FAT3: variants seen among roughly 807,000 people sequenced by gnomAD.
FAT3 encodes protocadherin Fat 3.
Under a neutral mutation model 310.2 loss-of-function variants are expected in FAT3, and 95 were observed. The observed-to-expected ratio is 0.31, with a 90% CI of 0.26 to 0.36. FAT3 has a LOEUF of 0.36. Among genes scored for constraint, FAT3 ranks in the 10% least tolerant of loss-of-function variants. The probability of loss-of-function intolerance (pLI) is 1.00; values close to 1 mark genes in which losing one functional copy is unlikely to be tolerated. For missense variants in FAT3, 5,408 were observed against 5,715.6 expected (o/e 0.95, Z 1.74); for synonymous variants, 2,314 against 2,192.9 (o/e 1.06, Z -1.54).
At chr11:92,386,220 C>T (rs1328659399) in intron 2 of FAT3, among the ~76,000 whole-genome samples, 1 of 152,202 alleles carries the variant, frequency 6.6e-6, no homozygotes, top group Non-Finnish European at 1.5e-5. Context: ...GGGTCAACAA[C>T]CAAGAGGCAG....
intron 10 of FAT3, among the ~76,000 whole-genome samples, 156 bp from the exon 11 acceptor site, chr11:92,804,997 C>A (rs1196282084): frequency 6.6e-6 from 1 of 152,144 alleles, no homozygotes; most frequent in African/African-American, 2.4e-5. Flanking sequence ...TGCTTTGTTG[C>A]CCAAGAATCA....
At chr11:92,620,763 T>C (rs1346217536) in intron 3 of FAT3, among the ~76,000 whole-genome samples, 1 of 152,218 alleles carries the variant, frequency 6.6e-6, no homozygotes, top group African/African-American at 2.4e-5. Context: ...TAATTCAGAC[T>C]GCTGTAACGG....
chr11:92,719,154 A>G (rs1944780412), intron 4 of FAT3, among the ~76,000 whole-genome samples: 1 of 152,204 alleles, frequency 6.6e-6, no homozygotes, highest in Non-Finnish European at 1.5e-5. Context: ...GCACATGGCT[A>G]TCTATTTTAG....
chr11:92,557,098 T>C (rs1955047324), intron 3 of FAT3, among the ~76,000 whole-genome samples: 1 of 152,054 alleles, frequency 6.6e-6, no homozygotes, highest in Admixed American at 6.6e-5. Flanking sequence ...TATTGCATTC[T>C]TCCCTGTTTC....
At chr11:92,860,068 A>C (rs570977262) in intron 21 of FAT3, among the ~76,000 whole-genome samples, 16 of 152,278 alleles carry the variant, frequency 1.1e-4, no homozygotes, top group African/African-American at 3.4e-4. Context: ...TAGGCATGGT[A>C]GTCGGCACCT....
At chr11:92,556,210 A>C (rs1413168823) in intron 3 of FAT3, among the ~76,000 whole-genome samples, 4 of 152,176 alleles carry the variant, frequency 2.6e-5, no homozygotes, top group Non-Finnish European at 5.9e-5. Flanking sequence ...CATAACCTGG[A>C]GGAAGAGGAT....
At chr11:92,824,581 AAATT>A (rs1414058157) in intron 13 of FAT3, among the ~76,000 whole-genome samples, 1 of 152,170 alleles carries the variant, frequency 6.6e-6, no homozygotes, top group African/African-American at 2.4e-5. Context: ...CCTGCAAAAT[AAATT>A]GAGTATTTGA....
chr11:92,840,829 G>T (rs1242397121), intron 18 of FAT3, 70 bp downstream of exon 18: 8 of 1,389,368 alleles, frequency 5.8e-6, no homozygotes, highest in Non-Finnish European at 9.6e-7. Context: ...CCCTTTGGTG[G>T]ATTTTTTTCT....
intron 9 of FAT3, among the ~76,000 whole-genome samples, chr11:92,795,754 G>T (rs2136171015): frequency 6.6e-6 from 1 of 152,076 alleles, no homozygotes; most frequent in South Asian, 2.1e-4. Context: ...CTACAAACAT[G>T]AAAATTAGCC....
At chr11:92,864,557 C>G (rs1005377574) in intron 21 of FAT3, among the ~76,000 whole-genome samples, 4 of 152,268 alleles carry the variant, frequency 2.6e-5, no homozygotes, top group African/African-American at 9.6e-5. Context: ...GTGGCCCACA[C>G]CTGTAATCCC....
chr11:92,334,487 A>G (rs1591124336), intron 1 of FAT3, among the ~76,000 whole-genome samples: 1 of 152,278 alleles, frequency 6.6e-6, no homozygotes, highest in Admixed American at 6.5e-5. Context: ...ATGACTTGAC[A>G]GGTTCCACTT....
chr11:92,818,441 T>C (rs1454383959), intron 13 of FAT3, among the ~76,000 whole-genome samples: 1 of 152,206 alleles, frequency 6.6e-6, no homozygotes, highest in Admixed American at 6.5e-5. Context: ...TCTTCCATAG[T>C]GGAGGCATGC....
intron 24 of FAT3, 74 bp from the exon 25 acceptor site, chr11:92,886,926 A>C: frequency 8.6e-7 from 1 of 1,162,020 alleles, no homozygotes; most frequent in Non-Finnish European, 1.3e-6. Flanking sequence ...ACTAGCTGAG[A>C]GGGGTGGGTG....
chr11:92,385,394 A>G (rs888437896), intron 2 of FAT3, among the ~76,000 whole-genome samples: 1 of 151,938 alleles, frequency 6.6e-6, no homozygotes, highest in Admixed American at 6.6e-5. Flanking sequence ...TTGAGACAGA[A>G]TCTTGCTCTG....
At chr11:92,681,999 T>C (rs1201569570) in intron 3 of FAT3, among the ~76,000 whole-genome samples, 1 of 152,198 alleles carries the variant, frequency 6.6e-6, no homozygotes, top group African/African-American at 2.4e-5. Flanking sequence ...CATATTGTGG[T>C]TACATGGTGG....
intron 22 of FAT3, among the ~76,000 whole-genome samples, chr11:92,878,408 A>T (rs1949584136): frequency 6.6e-6 from 1 of 152,052 alleles, no homozygotes; most frequent in South Asian, 2.1e-4. Context: ...ATACCCAAAT[A>T]CCTTCACTGC....
At chr11:92,472,160 C>T (rs1050688338) in intron 2 of FAT3, among the ~76,000 whole-genome samples, 1 of 151,942 alleles carries the variant, frequency 6.6e-6, no homozygotes, top group African/African-American at 2.4e-5. Flanking sequence ...AGTTTTAACT[C>T]TTAAGCTAAA....
chr11:92,771,308 TTGGACG>T (rs1946449794), intron 6 of FAT3, among the ~76,000 whole-genome samples: 1 of 152,130 alleles, frequency 6.6e-6, no homozygotes, highest in South Asian at 2.1e-4. Flanking sequence ...CCTGGACGAT[TTGGACG>T]TGGTTTCCTA....
intron 22 of FAT3, among the ~76,000 whole-genome samples, chr11:92,875,121 G>T (rs1254538166): frequency 2.7e-5 from 4 of 150,566 alleles, no homozygotes; most frequent in Non-Finnish European, 5.9e-5. Context: ...TCATAAACAA[G>T]CCTTTTCACA....
Sources: allele counts gnomAD v4.1 joint callset (sites outside exome capture counted in the v4.1 genomes callset), GRCh38; gene constraint gnomAD v4.1.1; transcripts MANE v1.5; gene names NCBI Gene and HGNC (gene_info 2026-07-23, HGNC 2026-07-21).